RCAN2: variants seen among roughly 807,000 people sequenced by gnomAD.
RCAN2 encodes calcipressin-2.
A neutral mutation model predicts 23.6 loss-of-function variants in RCAN2; 9 were observed. The observed-to-expected ratio is 0.38, with a 90% CI of 0.23 to 0.67. The LOEUF (loss-of-function observed/expected upper bound fraction) is 0.67. RCAN2 is among the 30% of genes least tolerant of loss of function. The pLI is 0.51. For synonymous variants in RCAN2, 109 were observed against 115.7 expected (o/e 0.94, Z 0.37); for missense variants, 273 against 302.3 (o/e 0.90, Z 0.72).
At chr6:46,462,264 A>T (rs1408336655) in intron 1 of RCAN2, among the ~76,000 whole-genome samples, 1 of 152,222 alleles carries the variant, frequency 6.6e-6, no homozygotes, top group Non-Finnish European at 1.5e-5. Context: ...TAATTAAAAC[A>T]AAAAACAAAC....
chr6:46,310,601 A>G (rs922218769), intron 2 of RCAN2, among the ~76,000 whole-genome samples: 3 of 150,414 alleles, frequency 2.0e-5, no homozygotes, highest in Non-Finnish European at 4.4e-5. Flanking sequence ...TGGAATTAAT[A>G]CTGATTGTTG....
intron 1 of RCAN2, among the ~76,000 whole-genome samples, chr6:46,484,565 G>T (rs549510822): frequency 3.9e-5 from 6 of 152,332 alleles, no homozygotes; most frequent in African/African-American, 1.4e-4. Flanking sequence ...GAAGCCAGAA[G>T]AAGCAAACTG....
At chr6:46,290,465 C>T (rs1762522015) in intron 2 of RCAN2, among the ~76,000 whole-genome samples, 1 of 152,176 alleles carries the variant, frequency 6.6e-6, no homozygotes. Flanking sequence ...GTTTATTGTT[C>T]TGTTCAGTGA....
intron 2 of RCAN2, among the ~76,000 whole-genome samples, chr6:46,432,953 G>C (rs749308385): frequency 6.6e-6 from 1 of 152,120 alleles, no homozygotes; most frequent in Non-Finnish European, 1.5e-5. Flanking sequence ...AATCATTCCT[G>C]AATCTTTAAG....
chr6:46,346,898 G>C (rs6921722), intron 2 of RCAN2, among the ~76,000 whole-genome samples: 63,793 of 151,300 alleles, frequency 0.42, 14,853 homozygotes, highest in East Asian at 0.6. Flanking sequence ...TATTTTGAGA[G>C]GGAATCTCGC....
intron 2 of RCAN2, among the ~76,000 whole-genome samples, chr6:46,368,905 CCTT>C (rs1765251384): frequency 6.6e-6 from 1 of 152,112 alleles, no homozygotes; most frequent in Admixed American, 6.5e-5. Flanking sequence ...AACAAATTAA[CCTT>C]CACTTACTGT....
chr6:46,223,175 C>T lies in RCAN2; in HGVS notation c.698G>A (p.Arg233Gln), dbSNP rs766970609. ...TSPKPKIIQT[R>Q]RPGLPPSVSN ...CACGGAGGGTGGCAGGCCAGGACGC[C>T]GAGTTTGGATGATTTTTGGCTTTGG... is the stretch of plus-strand genomic sequence containing the variant. Residue 233 changes from arginine to glutamine, a missense_variant, in exon 5 of 5, where the codon CGG becomes CAG. Arg to Gln is a conservative substitution (Grantham distance 43). Transcript: ENST00000371374. The T allele has an allele frequency of 1.1e-5, 18 of 1,613,500 alleles. No individual in the cohort carries two copies. The highest frequency in any genetic ancestry group is 1.4e-5 in the Non-Finnish European group (17 of 1,179,944).
intron 2 of RCAN2, among the ~76,000 whole-genome samples, chr6:46,331,033 C>A (rs1387670585): frequency 6.6e-6 from 1 of 152,138 alleles, no homozygotes; most frequent in Admixed American, 6.5e-5. Flanking sequence ...TAGGTGCGTT[C>A]ATTTATTAGG....
chr6:46,337,218 T>G (rs1050276559), intron 2 of RCAN2, among the ~76,000 whole-genome samples: 1 of 152,166 alleles, frequency 6.6e-6, no homozygotes, highest in Admixed American at 6.5e-5. Context: ...CTTCTTACAA[T>G]GGTAAGAGAT....
intron 2 of RCAN2, among the ~76,000 whole-genome samples, chr6:46,336,451 G>A (rs752416374): frequency 6.6e-6 from 1 of 152,198 alleles, no homozygotes; most frequent in African/African-American, 2.4e-5. Flanking sequence ...ATCAAGAAAG[G>A]CTTCAAGGAA....
At chr6:46,490,885 G>C (rs1769120677) in intron 1 of RCAN2, among the ~76,000 whole-genome samples, 1 of 152,088 alleles carries the variant, frequency 6.6e-6, no homozygotes, top group Non-Finnish European at 1.5e-5. Context: ...ACGGGCAGTG[G>C]GGAAGGGGCT....
chr6:46,228,342 C>T (rs943702173), intron 4 of RCAN2, among the ~76,000 whole-genome samples: 11 of 152,052 alleles, frequency 7.2e-5, no homozygotes, highest in Non-Finnish European at 1.6e-4. Flanking sequence ...TTAACTTTCT[C>T]TCTCGTTGAT....
chr6:46,388,505 T>A (rs961418895), intron 2 of RCAN2, among the ~76,000 whole-genome samples: 1 of 152,162 alleles, frequency 6.6e-6, no homozygotes, highest in Non-Finnish European at 1.5e-5. Flanking sequence ...ACATGTATGT[T>A]TATTGCTGCA....
intron 2 of RCAN2, among the ~76,000 whole-genome samples, chr6:46,396,149 T>C: frequency 6.6e-6 from 1 of 152,218 alleles, no homozygotes; most frequent in East Asian, 1.9e-4. Context: ...CTTTTCTACT[T>C]GATTGAATTC....
At chr6:46,489,867 C>T (rs1769093613) in intron 1 of RCAN2, among the ~76,000 whole-genome samples, 1 of 152,188 alleles carries the variant, frequency 6.6e-6, no homozygotes, top group South Asian at 2.1e-4. Flanking sequence ...AACTCAATGG[C>T]TGATCATACT....
chr6:46,383,168 AGTGT>A (rs71305761), intron 2 of RCAN2, among the ~76,000 whole-genome samples: 3,658 of 139,320 alleles, frequency 0.026, 69 homozygotes, highest in African/African-American at 0.061. Context: ...CAGCCTGGGT[AGTGT>A]GTGTGTGTGT....
intron 4 of RCAN2, among the ~76,000 whole-genome samples, chr6:46,242,048 C>G (rs1418357831): frequency 6.6e-6 from 1 of 152,188 alleles, no homozygotes; most frequent in East Asian, 1.9e-4. Flanking sequence ...TAAACTTGCT[C>G]TTGGTATAAT....
chr6:46,256,341 G>T (rs1766914245), intron 2 of RCAN2, among the ~76,000 whole-genome samples: 1 of 151,872 alleles, frequency 6.6e-6, no homozygotes, highest in Non-Finnish European at 1.5e-5. Flanking sequence ...CTGCACTCCA[G>T]CCTGGGTGAC....
Position 46,221,236 on chromosome 6 carries a change from C to T in RCAN2, c.*1905G>A, listed in dbSNP as rs970074603. On this transcript the variant is annotated 3_prime_UTR_variant, in exon 5 of 5. Coordinates refer to ENST00000371374, the MANE Select transcript of RCAN2 (RefSeq NM_001251974.2). ...TTCTCTCATCTAGATTTCTTTAGAA[C>T]CTGCATTCTGGAAATTCAGGGTAGC... 6.6e-6 allele frequency: 1 copy of T among 152,494 alleles called. No individual in the cohort carries two copies. Among genetic ancestry groups the T allele is most frequent in the Admixed American group, 6.5e-5 (1 of 15,274 alleles). The allele number at this position is 152,494 out of a possible 1,614,324, so 9.4% of individuals were successfully genotyped here.
Sources: gnomAD v4.1 joint callset for allele counts (sites outside exome capture counted in the v4.1 genomes callset) on GRCh38, gnomAD v4.1.1 for gene constraint, MANE v1.5 for transcripts, NCBI Gene and HGNC (gene_info 2026-07-23, HGNC 2026-07-21) for gene names.